The following SRFBP1 variants were observed in gnomAD, a reference collection of about 807,000 sequenced individuals.
SRFBP1 encodes the protein serum response factor-binding protein 1.
A neutral mutation model predicts 45.5 loss-of-function variants in SRFBP1; 47 were observed. That is an observed-to-expected ratio of 1.03 (90% CI 0.82 to 1.32). The LOEUF is 1.32. Among genes scored for constraint, SRFBP1 ranks in the 40% most tolerant of loss-of-function variants. SRFBP1 has a pLI of 0.00. For synonymous variants in SRFBP1, 203 were observed against 166.3 expected, an observed-to-expected ratio of 1.22 and a Z score of -1.70; for missense variants, 621 against 484.6, an observed-to-expected ratio of 1.28 and a Z score of -2.64.
intron 7 of SRFBP1, among the ~76,000 whole-genome samples, chr5:122,026,098 G>A (rs1753473983): frequency 6.6e-6 from 1 of 152,162 alleles, no homozygotes; most frequent in Non-Finnish European, 1.5e-5. Context: ...TTAAAAAAAA[G>A]AAGTCTTTTG....
At chr5:122,019,152 A>T in intron 4 of SRFBP1, 108 bp from the exon 5 acceptor site, 2 of 910,968 alleles carry the variant, frequency 2.2e-6, no homozygotes, top group Non-Finnish European at 3.4e-6. Context: ...AACTAGTTCT[A>T]TTCTCCAACT....
intron 7 of SRFBP1, among the ~76,000 whole-genome samples, chr5:122,026,576 T>C (rs1253555358): frequency 6.6e-6 from 1 of 152,200 alleles, no homozygotes; most frequent in African/African-American, 2.4e-5. Context: ...TGTACACAGA[T>C]ATCATAAGCT....
At chr5:122,040,853 CA>C (rs1051143620) in intron 2 of SRFBP1, among the ~76,000 whole-genome samples, 3 of 152,138 alleles carry the variant, frequency 2.0e-5, no homozygotes, top group Admixed American at 1.3e-4. Context: ...GTTCAAAGGT[CA>C]TCTTGTTAGA....
Position 121,974,356 on chromosome 5 carries a change from T to C in SRFBP1, c.125+72T>C. 4.6e-6 allele frequency: 5 copies of C among 1,084,820 alleles called. No individual in the cohort carries two copies. In the South Asian group the frequency reaches 5.3e-5, roughly 12 times the overall value. 67.2% of individuals were successfully genotyped at this position (1,084,820 alleles called of 1,614,324 possible). ...GTTGTTTTTATTTGATACTTTAAAA[T>C]GTTTAGGGTGGGATATAGAGAAGTA... is the stretch of plus-strand genomic sequence containing the variant. On this transcript the variant is annotated intron_variant, in intron 2 of 7. Transcript: ENST00000339397.
intron 4 of SRFBP1, among the ~76,000 whole-genome samples, chr5:122,015,781 TAG>T (rs151020407): frequency 0.038 from 5,819 of 152,276 alleles, 320 homozygotes; most frequent in African/African-American, 0.11. Context: ...TTAGTTCGCA[TAG>T]AGTTTACCCC....
chr5:122,003,531 T>C (rs1327637511), intron 4 of SRFBP1, among the ~76,000 whole-genome samples: 1 of 152,174 alleles, frequency 6.6e-6, no homozygotes, highest in Non-Finnish European at 1.5e-5. Context: ...ATATATGTCC[T>C]TAGCATACTG....
At chr5:121,969,060 G>T (rs1317177621) in intron 1 of SRFBP1, among the ~76,000 whole-genome samples, 1 of 152,088 alleles carries the variant, frequency 6.6e-6, no homozygotes, top group Non-Finnish European at 1.5e-5. Context: ...ATTTAATTTT[G>T]TCTTTGGACC....
chr5:121,966,576 A>C (rs1358993581), intron 1 of SRFBP1, among the ~76,000 whole-genome samples: 2 of 152,224 alleles, frequency 1.3e-5, no homozygotes, highest in Non-Finnish European at 2.9e-5. Flanking sequence ...AATTGAAAAC[A>C]ACAGTGCCAT....
intron 6 of SRFBP1, among the ~76,000 whole-genome samples, chr5:122,021,530 G>A (rs1398399242): frequency 3.9e-5 from 6 of 152,002 alleles, no homozygotes; most frequent in Admixed American, 6.6e-5. Flanking sequence ...GTCACAGTAT[G>A]GCAAAGACAT....
intron 2 of SRFBP1, among the ~76,000 whole-genome samples, chr5:122,058,046 G>A (rs555509512): frequency 6.6e-6 from 1 of 152,104 alleles, no homozygotes; most frequent in African/African-American, 2.4e-5. Flanking sequence ...ATTATTTAAG[G>A]TTCTTGATAT....
chr5:121,989,894 G>C (rs1011060861), intron 3 of SRFBP1, among the ~76,000 whole-genome samples: 3 of 151,908 alleles, frequency 2.0e-5, no homozygotes, highest in Non-Finnish European at 4.4e-5. Flanking sequence ...CCCAGTATTT[G>C]TTCTCTTTCA....
chr5:122,025,043 G>A (rs988348812), intron 7 of SRFBP1, among the ~76,000 whole-genome samples: 5 of 152,020 alleles, frequency 3.3e-5, no homozygotes, highest in Non-Finnish European at 7.4e-5. Context: ...CATGTGCCAT[G>A]TTGGTGTGCT....
chr5:122,050,364 A>G (rs1753953993), intron 2 of SRFBP1, among the ~76,000 whole-genome samples: 1 of 152,102 alleles, frequency 6.6e-6, no homozygotes, highest in Non-Finnish European at 1.5e-5. Flanking sequence ...CTGTGGATCC[A>G]TCTGGTCTTG....
intron 1 of SRFBP1, among the ~76,000 whole-genome samples, chr5:121,968,461 G>T (rs966438623): frequency 1.7e-4 from 26 of 151,948 alleles, no homozygotes; most frequent in African/African-American, 5.6e-4. Flanking sequence ...AATTGTTGGT[G>T]GGGGGGACTA....
intron 1 of SRFBP1, 125 bp from the exon 2 acceptor site, chr5:121,974,071 A>AAT: frequency 1.7e-6 from 1 of 603,196 alleles, no homozygotes; most frequent in Non-Finnish European, 2.9e-6. Context: ...TCAAGCTACG[A>AAT]ATATAGTTAG....
intron 1 of SRFBP1, among the ~76,000 whole-genome samples, chr5:121,968,765 T>C (rs1470819092): frequency 2.6e-5 from 4 of 152,188 alleles, no homozygotes; most frequent in Admixed American, 6.5e-5. Flanking sequence ...AGTGTATTTG[T>C]CTGTTTCCTC....
At chr5:122,061,109 G>T (rs868493282) in intron 2 of SRFBP1, among the ~76,000 whole-genome samples, 10 of 152,076 alleles carry the variant, frequency 6.6e-5, no homozygotes, top group Non-Finnish European at 1.3e-4. Context: ...TCATCAGTTT[G>T]CAGATCACTA....
chr5:121,984,210 A>AT (rs1326090739), intron 3 of SRFBP1, among the ~76,000 whole-genome samples: 1 of 151,854 alleles, frequency 6.6e-6, no homozygotes, highest in Admixed American at 6.6e-5. Flanking sequence ...CTTAGGGCAT[A>AT]TGTCATAATG....
chr5:121,976,302 C>G lies in SRFBP1; in HGVS notation c.198+915C>G, dbSNP rs941624539. 3.9e-5 allele frequency among the ~76,000 whole-genome samples: 6 copies of G among 151,918 alleles called. No individual in the cohort carries two copies. In the South Asian group the frequency reaches 1.2e-3, roughly 31 times the overall value. On this transcript the variant is annotated intron_variant, in intron 3 of 7. Transcript: ENST00000339397. ...TTGTTTCTTGTGTTCTTCCTTCCCT[C>G]TGCTGCACACTATTATAAAATTCAT...
Sources: gnomAD v4.1 joint callset for allele counts (sites outside exome capture counted in the v4.1 genomes callset) on GRCh38, gnomAD v4.1.1 for gene constraint, MANE v1.5 for transcripts, NCBI Gene and HGNC (gene_info 2026-07-23, HGNC 2026-07-21) for gene names.